The following LCA5 variants were observed in gnomAD, a reference collection of about 807,000 sequenced individuals.
LCA5 encodes lebercilin LCA5.
Under a neutral mutation model 53.0 loss-of-function variants are expected in LCA5, and 37 were observed. That is an observed-to-expected ratio of 0.70 (90% CI 0.54 to 0.92). The LOEUF is 0.92. LCA5 is among the 40% of genes least tolerant of loss of function. The pLI is 0.00. For missense variants in LCA5, 806 were observed against 790.5 expected, an observed-to-expected ratio of 1.02 and a Z score of -0.23; for synonymous variants, 303 against 282.9, an observed-to-expected ratio of 1.07 and a Z score of -0.71.
chr6:79,488,082 A>T, intron 7 of LCA5: 1 of 511,600 alleles, frequency 2.0e-6, no homozygotes, highest in Non-Finnish European at 3.4e-6. Flanking sequence ...TTATAAAAAA[A>T]TTTGTTCTTT....
At chr6:79,514,290 CTTTTTAATGGGG>C (rs1341489827) in intron 2 of LCA5, among the ~76,000 whole-genome samples, 4 of 152,014 alleles carry the variant, frequency 2.6e-5, no homozygotes, top group Non-Finnish European at 5.9e-5. Context: ...CCTTTCCTCA[CTTTTTAATGGGG>C]TACAATGAGA....
intron 3 of LCA5, among the ~76,000 whole-genome samples, chr6:79,512,339 T>C (rs367564469): frequency 6.6e-6 from 1 of 152,020 alleles, no homozygotes; most frequent in African/African-American, 2.4e-5. Flanking sequence ...AATAGCCGCT[T>C]TTTCTGGCCA....
At position 79,513,272 on chromosome 6, in the gene LCA5, A is replaced by C. The variant is rs754773609; in HGVS notation, c.660T>G (p.Asp220Glu). 10 of 1,613,608 alleles carry C rather than the reference A, an allele frequency of 6.2e-6. No homozygotes were observed. The highest frequency in any genetic ancestry group is 1.3e-5 in the African/African-American group (1 of 74,862). ...CTGCTGAAACTAGTTTCTTTGCCAA[A>C]TCATCTCGTTCAGGTAGGTGTCTAG... The part of the protein sequence containing the change: ...SEARHLPERD[D>E]LAKKLVSAEL... The change falls in exon 3 of 8, where the codon GAT becomes GAG. Residue 220 changes from aspartate to glutamate, a missense_variant. Physicochemically the swap from Asp to Glu is conservative, Grantham distance 45 (BLOSUM62 2). Coordinates refer to ENST00000369846, the MANE Select transcript of LCA5 (RefSeq NM_001122769.3).
In LCA5 at chr6:79,493,708, G is replaced by C; in HGVS notation, c.763C>G (p.Arg255Gly). Reference protein sequence around the residue: ...NLELSTNSFQRQLLAERKRAY... With the variant: ...NLELSTNSFQGQLLAERKRAY... ...CTTTTCCTTTCAGCAAGCAACTGTCGTTGGAAACTGTTAGTACTCAGTTCA... is the reference window on the plus strand; with the variant it reads ...CTTTTCCTTTCAGCAAGCAACTGTCCTTGGAAACTGTTAGTACTCAGTTCA... The change falls in exon 4 of 8, where the codon CGA (arginine) becomes GGA (glycine). Residue 255 changes from arginine to glycine, a missense_variant. Transcript: ENST00000369846. 6.2e-7 allele frequency: 1 copy of C among 1,613,282 alleles called. No homozygotes were observed. Among genetic ancestry groups the C allele is most frequent in the South Asian group, 1.1e-5 (1 of 91,054 alleles).
rs1562093393 is a variant in LCA5 at position 79,487,701 on chromosome 6, A to C, written c.1397T>G (p.Met466Arg). The C allele has an allele frequency of 4.3e-6, 7 of 1,613,752 alleles. No individual in the cohort carries two copies. The highest frequency in any genetic ancestry group is 5.9e-6 in the Non-Finnish European group (7 of 1,179,754). Residue 466 changes from methionine (M) to arginine (R), a missense_variant, in exon 8 of 8, where the codon ATG (methionine) becomes AGG (arginine). By Grantham distance (91) the Met-to-Arg change is moderately conservative. Transcript: ENST00000369846. ...GEEEERLKRE[M>R]LLAKLNEIDR... ...AATTTCATTCAGTTTAGCAAGTAGC[A>C]TTTCTCTCTTCAGTCTTTCTTCTTC...
At chr6:79,525,978 G>T (rs1766775108) in intron 1 of LCA5, among the ~76,000 whole-genome samples, 1 of 152,194 alleles carries the variant, frequency 6.6e-6, no homozygotes, top group Admixed American at 6.5e-5. Flanking sequence ...TAGGAATTAT[G>T]GGTGTATAGG....
chr6:79,510,877 T>C (rs182985706), intron 3 of LCA5, among the ~76,000 whole-genome samples: 2 of 152,224 alleles, frequency 1.3e-5, no homozygotes, highest in Non-Finnish European at 2.9e-5. Flanking sequence ...TGATGCTGCA[T>C]ACCTATCAAG....
At chr6:79,533,520 C>T (rs964997272) in intron 1 of LCA5, among the ~76,000 whole-genome samples, 3 of 150,580 alleles carry the variant, frequency 2.0e-5, no homozygotes, top group African/African-American at 4.9e-5. Context: ...GCTACTACAG[C>T]AATTAATAGG....
chr6:79,501,451 G>C (rs1032879343), intron 3 of LCA5, among the ~76,000 whole-genome samples: 5 of 151,830 alleles, frequency 3.3e-5, no homozygotes, highest in African/African-American at 7.3e-5. Flanking sequence ...GATAGCACTC[G>C]AAAGCACCCA....
rs886061792 is a variant in LCA5, at chr6:79,537,173, C to T, written c.-200G>A. 5 of 152,964 alleles carry T rather than the reference C, an allele frequency of 3.3e-5. No individual in the cohort carries two copies. Among genetic ancestry groups the T allele is most frequent in the Admixed American group, 6.5e-5 (1 of 15,290 alleles). The allele number at this position is 152,964 out of a possible 1,614,324, so 9.5% of individuals were successfully genotyped here. ...CCCACTTCAAAGCCCACCTCCAACC[C>T]GCAGGCTCTTCAGCAGAGCCGATGC... is the stretch of plus-strand genomic sequence containing the variant. On this transcript the variant is annotated 5_prime_UTR_variant, in exon 1 of 8. Coordinates refer to ENST00000369846, the MANE Select transcript of LCA5 (RefSeq NM_001122769.3).
At chr6:79,535,331 A>G (rs137920786) in intron 1 of LCA5, among the ~76,000 whole-genome samples, 149 of 152,294 alleles carry the variant, frequency 9.8e-4, no homozygotes, top group African/African-American at 3.4e-3. Context: ...GCAAGGATCC[A>G]TCTCCAATCT....
chr6:79,496,721 T>C (rs1417286801), intron 3 of LCA5, among the ~76,000 whole-genome samples: 1 of 152,118 alleles, frequency 6.6e-6, no homozygotes, highest in Non-Finnish European at 1.5e-5. Context: ...AAACTTTTTA[T>C]AGATAATAAA....
chr6:79,494,111 T>C (rs1170570651), intron 3 of LCA5, among the ~76,000 whole-genome samples: 1 of 151,968 alleles, frequency 6.6e-6, no homozygotes, highest in African/African-American at 2.4e-5. Flanking sequence ...AAAAACTAGC[T>C]GGGCATGGTG....
chr6:79,538,476 T>C (rs1028108494), upstream of LCA5, among the ~76,000 whole-genome samples: 1 of 152,214 alleles, frequency 6.6e-6, no homozygotes, highest in Non-Finnish European at 1.5e-5. Context: ...TAATTTTCTG[T>C]ATGCGAAATA....
chr6:79,497,514 T>C lies in LCA5; in HGVS notation c.721-3764A>G, dbSNP rs188947585. Among the ~76,000 whole-genome samples, 43 of 152,252 alleles carry C rather than the reference T, an allele frequency of 2.8e-4. 1 individual carries two copies. The highest frequency in any genetic ancestry group is 2.9e-4 in the Non-Finnish European group (20 of 68,010). ...AAATACGAAGTTAAGGATATTCTATTAAATGAAAAGGGGTATGGAGCTGTA... is the reference window on the plus strand; with the variant it reads ...AAATACGAAGTTAAGGATATTCTATCAAATGAAAAGGGGTATGGAGCTGTA... On this transcript the variant is annotated intron_variant, in intron 3 of 7. Coordinates refer to ENST00000369846, the MANE Select transcript of LCA5 (RefSeq NM_001122769.3).
At position 79,518,773 on chromosome 6, in the gene LCA5, G is replaced by C; in HGVS notation, c.122C>G (p.Ser41Cys). 1.2e-6 allele frequency: 2 copies of C among 1,614,118 alleles called. No homozygotes were observed. Among genetic ancestry groups the C allele is most frequent in the Non-Finnish European group, 1.7e-6 (2 of 1,180,014 alleles). The change falls in exon 2 of 8, where the codon TCT becomes TGT. Residue 41 changes from serine (S) to cysteine (C), a missense_variant. Coordinates refer to ENST00000369846, the MANE Select transcript of LCA5 (RefSeq NM_001122769.3). Reference sequence around the variant, plus strand: ...TTTTCTCCTAACACTTGCAGGTGAAGAACTGACCAGCGATGATCGGCCAGA... The same window carrying C: ...TTTTCTCCTAACACTTGCAGGTGAACAACTGACCAGCGATGATCGGCCAGA... ...QSSGRSSLVSSSPASVRRKNP... is the reference protein window; with the variant it reads ...QSSGRSSLVSCSPASVRRKNP...
chr6:79,519,712 T>C (rs943420629), intron 1 of LCA5, among the ~76,000 whole-genome samples: 9 of 124,068 alleles, frequency 7.3e-5, no homozygotes, highest in Non-Finnish European at 1.1e-4. Flanking sequence ...TGAGACTCCA[T>C]CTCAAAAAAA....
At chr6:79,504,500 G>A (rs1175831744) in intron 3 of LCA5, among the ~76,000 whole-genome samples, 1 of 152,198 alleles carries the variant, frequency 6.6e-6, no homozygotes, top group Non-Finnish European at 1.5e-5. Context: ...TAAAGAAACA[G>A]GTGGGCTGGT....
chr6:79,497,322 A>C (rs1770006612), intron 3 of LCA5, among the ~76,000 whole-genome samples: 1 of 152,208 alleles, frequency 6.6e-6, no homozygotes, highest in Non-Finnish European at 1.5e-5. Context: ...ATGTTAGACA[A>C]GTTGAGCAAC....
Sources: allele counts gnomAD v4.1 joint callset (sites outside exome capture counted in the v4.1 genomes callset), GRCh38; gene constraint gnomAD v4.1.1; transcripts MANE v1.5; gene names NCBI Gene and HGNC (gene_info 2026-07-23, HGNC 2026-07-21).